The following TOGARAM1 variants were observed in gnomAD, a reference collection of about 807,000 sequenced individuals.
TOGARAM1 encodes the protein TOG array regulator of axonemal microtubules protein 1.
A neutral mutation model predicts 166.6 loss-of-function variants in TOGARAM1; 100 were observed. The observed-to-expected ratio is 0.60, with a 90% CI of 0.51 to 0.71. The LOEUF (loss-of-function observed/expected upper bound fraction) is 0.71. Ranked by LOEUF, TOGARAM1 falls within the 30% of genes least tolerant of loss-of-function variation. The probability of loss-of-function intolerance (pLI) is 0.00; values close to 1 mark genes in which losing one functional copy is unlikely to be tolerated. For missense variants in TOGARAM1, 2,029 were observed against 2,102.7 expected, an observed-to-expected ratio of 0.96 and a Z score of 0.69; for synonymous variants, 758 against 763.8, an observed-to-expected ratio of 0.99 and a Z score of 0.13.
rs754596206 is a variant in TOGARAM1 at position 45,008,917 on chromosome 14, A to G, written c.2909A>G (p.His970Arg). ...ATTGTTTTCATTTTTTCTTAGATGC[A>G]TAGCTCTCTTAGGTCCCTTCGTAAT... ...KDKDLDQEEMHSSLRSLRNSA... is the reference protein window; with the variant it reads ...KDKDLDQEEMRSSLRSLRNSA... Residue 970 changes from histidine to arginine, a missense_variant, in exon 6 of 20, where the codon CAT becomes CGT. By Grantham distance (29) the His-to-Arg change is conservative. Transcript: ENST00000361462. The G allele has an allele frequency of 4.4e-6, 7 of 1,604,874 alleles. No individual in the cohort carries two copies. Among genetic ancestry groups the G allele is most frequent in the African/African-American group, 4.0e-5 (3 of 74,428 alleles).
chr14:45,040,432 A>G (rs1250478580), intron 11 of TOGARAM1, among the ~76,000 whole-genome samples: 1 of 152,210 alleles, frequency 6.6e-6, no homozygotes, highest in African/African-American at 2.4e-5. Flanking sequence ...GTAAGCAAAG[A>G]AAGGAAATAA....
chr14:45,031,836 G>A (rs2138918951), intron 10 of TOGARAM1, among the ~76,000 whole-genome samples: 1 of 152,224 alleles, frequency 6.6e-6, no homozygotes, highest in South Asian at 2.1e-4. Flanking sequence ...CATCACAACT[G>A]TAGTCAGAAT....
intron 1 of TOGARAM1, among the ~76,000 whole-genome samples, chr14:44,986,048 C>G (rs2138773228): frequency 6.6e-6 from 1 of 152,214 alleles, no homozygotes; most frequent in East Asian, 1.9e-4. Context: ...TAGTTGAAGA[C>G]ATGATTTTAC....
Position 44,962,478 on chromosome 14 carries a change from C to T in TOGARAM1, c.57C>T (p.Thr19=), listed in dbSNP as rs763034727. ...TGCCGCCCTTTCCAGTCCTCTCTAC[C>T]TATCGGCTCCAGAGCCGCAGTCGTC... ...LLLPPFPVLS[T]YRLQSRSRPS... Residue 19 remains threonine (T), a synonymous_variant, in exon 1 of 20, where the codon ACC becomes ACT. Transcript: ENST00000361462. 3.7e-6 allele frequency: 6 copies of T among 1,607,806 alleles called. No individual in the cohort carries two copies. The highest frequency in any genetic ancestry group is 2.2e-5 in the South Asian group (2 of 90,320).
At chr14:44,977,438 G>T (rs916142887) in intron 1 of TOGARAM1, among the ~76,000 whole-genome samples, 1 of 150,616 alleles carries the variant, frequency 6.6e-6, no homozygotes, top group Non-Finnish European at 1.5e-5. Context: ...GGGTTTCACC[G>T]TGTTAGCTGG....
intron 6 of TOGARAM1, 53 bp downstream of exon 6, chr14:45,009,198 A>G: frequency 7.6e-7 from 1 of 1,319,590 alleles, no homozygotes; most frequent in Non-Finnish European, 1.1e-6. Flanking sequence ...TTAGTGATTT[A>G]GAGCCCTAAT....
At chr14:45,015,353 T>TAA (rs1594656245) in intron 7 of TOGARAM1, among the ~76,000 whole-genome samples, 1 of 147,418 alleles carries the variant, frequency 6.8e-6, no homozygotes, top group Non-Finnish European at 1.5e-5. Context: ...TAAATAAATA[T>TAA]ATTTATACAT....
chr14:44,982,699 C>G (rs958362596), intron 1 of TOGARAM1, among the ~76,000 whole-genome samples: 1 of 152,260 alleles, frequency 6.6e-6, no homozygotes, highest in African/African-American at 2.4e-5. Context: ...AGTTATTCAG[C>G]ATCTGTCTTT....
At chr14:45,042,568 A>T (rs76480452) in intron 11 of TOGARAM1, among the ~76,000 whole-genome samples, 6,107 of 152,184 alleles carry the variant, frequency 0.04, 207 homozygotes, top group East Asian at 0.12. Flanking sequence ...CTACAATTAT[A>T]TCTATATTAT....
At chr14:44,973,590 C>A (rs369093799) in intron 1 of TOGARAM1, among the ~76,000 whole-genome samples, 5,538 of 146,808 alleles carry the variant, frequency 0.038, 167 homozygotes, top group East Asian at 0.098. Flanking sequence ...CTCTCTCTCT[C>A]TCTCTCTATA....
chr14:44,968,204 G>A (rs1168747366), intron 1 of TOGARAM1, among the ~76,000 whole-genome samples: 1 of 152,162 alleles, frequency 6.6e-6, no homozygotes, highest in Non-Finnish European at 1.5e-5. Flanking sequence ...ACAGTTTTAT[G>A]TGTGCAGTTT....
chr14:44,984,438 T>C (rs1425029071), intron 1 of TOGARAM1, among the ~76,000 whole-genome samples: 1 of 151,928 alleles, frequency 6.6e-6, no homozygotes, highest in Non-Finnish European at 1.5e-5. Flanking sequence ...TAATTAACCT[T>C]AAAAGTATAT....
At chr14:45,028,734 G>A (rs1427338462) in intron 10 of TOGARAM1, among the ~76,000 whole-genome samples, 3 of 152,078 alleles carry the variant, frequency 2.0e-5, no homozygotes, top group Admixed American at 6.6e-5. Context: ...GTCAAGAGTA[G>A]GCTCTATGTT....
chr14:45,010,740 G>A (rs150224941), intron 6 of TOGARAM1, among the ~76,000 whole-genome samples: 62 of 152,164 alleles, frequency 4.1e-4, no homozygotes, highest in African/African-American at 1.4e-3. Flanking sequence ...CTTGCATACT[G>A]CCTTAAGATT....
At chr14:45,017,349 C>G (rs772875483) in intron 7 of TOGARAM1, among the ~76,000 whole-genome samples, 103 of 151,950 alleles carry the variant, frequency 6.8e-4, no homozygotes, top group Non-Finnish European at 1.0e-3. Context: ...AGGTTAAACA[C>G]TAGGGAATTT....
chr14:45,037,966 C>A (rs1272981662), intron 11 of TOGARAM1, among the ~76,000 whole-genome samples: 1 of 151,756 alleles, frequency 6.6e-6, no homozygotes. Flanking sequence ...TATAGTGAGC[C>A]TAGATCGGGC....
intron 7 of TOGARAM1, among the ~76,000 whole-genome samples, chr14:45,021,427 A>T (rs1460441855): frequency 6.6e-6 from 1 of 152,152 alleles, no homozygotes. Flanking sequence ...ATACAGTGGC[A>T]TGGAGGGGGT....
At position 45,063,934 on chromosome 14, in the gene TOGARAM1, C is replaced by T. The variant is rs1236882658; in HGVS notation, c.4560-2644C>T. ...CTCCTTCCTTTGATATGTTATCACCCTTGATATCTGATCAAGTTCCTCACC... is the reference window on the plus strand; with the variant it reads ...CTCCTTCCTTTGATATGTTATCACCTTTGATATCTGATCAAGTTCCTCACC... On this transcript the variant is annotated intron_variant, in intron 16 of 19. Coordinates refer to ENST00000361462, the MANE Select transcript of TOGARAM1 (RefSeq NM_001308120.2). Among the ~76,000 whole-genome samples the T allele has an allele frequency of 3.9e-5, 6 of 152,276 alleles. No individual in the cohort carries two copies. The East Asian group carries it at 9.7e-4, about 25-fold the overall frequency.
rs529228371 is a variant in TOGARAM1, at chr14:45,063,894, C to G, written c.4560-2684C>G. 9.9e-5 allele frequency among the ~76,000 whole-genome samples: 15 copies of G among 152,270 alleles called. 1 individual carries two copies. Among genetic ancestry groups the G allele is most frequent in the African/African-American group, 3.1e-4 (13 of 41,558 alleles). ...GCCTAACCCAGTCTTAGCAAGGTAT[C>G]CTGCTAGCTCATCTCTCCTTCCTTT... On this transcript the variant is annotated intron_variant, in intron 16 of 19. Coordinates refer to ENST00000361462, the MANE Select transcript of TOGARAM1 (RefSeq NM_001308120.2).
Sources: allele counts gnomAD v4.1 joint callset (sites outside exome capture counted in the v4.1 genomes callset), GRCh38; gene constraint gnomAD v4.1.1; transcripts MANE v1.5; gene names NCBI Gene and HGNC (gene_info 2026-07-23, HGNC 2026-07-21).